RBMS3: variants seen among roughly 807,000 people sequenced by gnomAD.
RBMS3 encodes RNA binding motif single stranded interacting protein 3, also known as RNA-binding motif, single-stranded-interacting protein 3.
RBMS3 carries 27 observed loss-of-function variants against 66.8 expected under a neutral mutation model. The ratio of observed to expected loss-of-function variants is 0.40; its 90% CI spans 0.30 to 0.56. RBMS3 has a LOEUF of 0.56. Ranked by LOEUF, RBMS3 falls within the 20% of genes least tolerant of loss-of-function variation. The probability of loss-of-function intolerance (pLI) is 0.40; values close to 1 mark genes in which losing one functional copy is unlikely to be tolerated. For missense variants in RBMS3, 513 were observed against 549.5 expected (o/e 0.93, Z 0.66); for synonymous variants, 188 against 183.0 (o/e 1.03, Z -0.22).
intron 6 of RBMS3, among the ~76,000 whole-genome samples, chr3:29,788,469 C>T (rs764447096): frequency 6.6e-6 from 1 of 152,094 alleles, no homozygotes; most frequent in Non-Finnish European, 1.5e-5. Flanking sequence ...TTGTGATCTG[C>T]CTGCCTCAGC....
rs932385150 is a variant in RBMS3 at position 29,886,985 on chromosome 3, A to C, written c.791+2777A>C. Reference sequence around the variant, plus strand: ...AAGGGCTGGGGACATACTGGTGAATAAGACACACCCAGTCTTTACTCATCT... The same window carrying C: ...AAGGGCTGGGGACATACTGGTGAATCAGACACACCCAGTCTTTACTCATCT... On this transcript the variant is annotated intron_variant, in intron 8 of 14. Coordinates refer to ENST00000383767, the MANE Select transcript of RBMS3 (RefSeq NM_001003793.3). Among the ~76,000 whole-genome samples, 86 of 151,802 alleles carry C rather than the reference A, an allele frequency of 5.7e-4. 1 individual carries two copies. The highest frequency in any genetic ancestry group is 1.1e-3 in the Non-Finnish European group (72 of 67,854).
chr3:29,405,480 G>A (rs1184026314), intron 1 of RBMS3, among the ~76,000 whole-genome samples: 1 of 151,894 alleles, frequency 6.6e-6, no homozygotes, highest in African/African-American at 2.4e-5. Context: ...TTGTTTTTGT[G>A]GCAAATCAGG....
intron 1 of RBMS3, among the ~76,000 whole-genome samples, chr3:29,363,811 A>C (rs971848233): frequency 3.3e-5 from 5 of 150,054 alleles, no homozygotes; most frequent in East Asian, 2.0e-4. Context: ...AAAAAAAAAA[A>C]AAAACCTGTT....
intron 1 of RBMS3, among the ~76,000 whole-genome samples, chr3:29,339,022 C>A (rs1394512390): frequency 6.6e-6 from 1 of 152,142 alleles, no homozygotes; most frequent in African/African-American, 2.4e-5. Flanking sequence ...AGACCTCACT[C>A]AGAGGTCAGC....
chr3:29,859,808 AAATTGTGGTT>A (rs2059168747), intron 6 of RBMS3, among the ~76,000 whole-genome samples: 1 of 152,196 alleles, frequency 6.6e-6, no homozygotes, highest in African/African-American at 2.4e-5. Flanking sequence ...TTTGCCATGT[AAATTGTGGTT>A]GAAATTGAAA....
intron 1 of RBMS3, among the ~76,000 whole-genome samples, chr3:29,410,592 A>G (rs2040224221): frequency 6.6e-6 from 1 of 152,160 alleles, no homozygotes; most frequent in African/African-American, 2.4e-5. Context: ...TACTTGCTTT[A>G]TTGCCTCTAA....
chr3:29,855,341 C>T lies in RBMS3; in HGVS notation c.638-13517C>T, dbSNP rs571867437. Among the ~76,000 whole-genome samples the T allele has an allele frequency of 1.2e-4, 19 of 152,242 alleles. 1 individual carries two copies. The South Asian group carries it at 3.9e-3, about 32-fold the overall frequency. ...TTTGTGAAAACTACATCAAATATGA[C>T]TTTTTCCTATAAGGAAAGCTTTTAC... On this transcript the variant is annotated intron_variant, in intron 6 of 14. Transcript: ENST00000383767.
At chr3:29,978,643 T>TA (rs918654437) in intron 12 of RBMS3, among the ~76,000 whole-genome samples, 39 of 151,372 alleles carry the variant, frequency 2.6e-4, no homozygotes, top group South Asian at 8.4e-4. Context: ...AAGTGAAGGT[T>TA]AAAAAAAATG....
At chr3:29,472,713 C>G (rs569732258) in intron 2 of RBMS3, among the ~76,000 whole-genome samples, 1 of 150,724 alleles carries the variant, frequency 6.6e-6, no homozygotes, top group African/African-American at 2.4e-5. Flanking sequence ...GGTTCGTGGT[C>G]TCGCTGGCTT....
chr3:29,884,806 T>C (rs756303184), intron 8 of RBMS3, among the ~76,000 whole-genome samples: 1 of 151,948 alleles, frequency 6.6e-6, no homozygotes, highest in Non-Finnish European at 1.5e-5. Flanking sequence ...ATATCTTTCA[T>C]TGAAACTTTC....
At chr3:29,421,750 G>C (rs1026958116) in intron 1 of RBMS3, among the ~76,000 whole-genome samples, 2 of 152,122 alleles carry the variant, frequency 1.3e-5, no homozygotes, top group African/African-American at 4.8e-5. Flanking sequence ...TCAGTAGCTA[G>C]AATAATACCA....
intron 12 of RBMS3, among the ~76,000 whole-genome samples, chr3:29,974,698 CT>C (rs1327808132): frequency 1.3e-5 from 2 of 150,740 alleles, no homozygotes; most frequent in Non-Finnish European, 1.5e-5. Context: ...AGTGTAAAAC[CT>C]TTTATGTCTG....
intron 7 of RBMS3, among the ~76,000 whole-genome samples, chr3:29,876,848 G>A (rs1242064654): frequency 6.6e-6 from 1 of 152,020 alleles, no homozygotes; most frequent in Admixed American, 6.6e-5. Flanking sequence ...AAAAGATGTG[G>A]AGACCAACAG....
intron 4 of RBMS3, among the ~76,000 whole-genome samples, chr3:29,662,618 C>T (rs2050599658): frequency 6.6e-6 from 1 of 152,142 alleles, no homozygotes; most frequent in Admixed American, 6.5e-5. Flanking sequence ...ATGCTCACAC[C>T]CCAAAGTGCT....
At chr3:29,534,753 TCATCAGCC>T (rs2045489006) in intron 3 of RBMS3, among the ~76,000 whole-genome samples, 1 of 152,216 alleles carries the variant, frequency 6.6e-6, no homozygotes, top group Non-Finnish European at 1.5e-5. Context: ...CCCTGATCAT[TCATCAGCC>T]TTCAAGTTCA....
intron 4 of RBMS3, among the ~76,000 whole-genome samples, chr3:29,688,611 T>A (rs553829002): frequency 7.6e-6 from 1 of 132,196 alleles, no homozygotes; most frequent in African/African-American, 2.9e-5. Context: ...TGAGATGGAG[T>A]CTTGCTCTGT....
chr3:29,476,618 A>C (rs1465151718), intron 2 of RBMS3, among the ~76,000 whole-genome samples: 1 of 152,200 alleles, frequency 6.6e-6, no homozygotes, highest in Non-Finnish European at 1.5e-5. Flanking sequence ...TAACGTATTG[A>C]CAAAATAGCT....
rs1225187324 is a variant in RBMS3 at position 29,838,023 on chromosome 3, G to T, written c.638-30835G>T. On this transcript the variant is annotated intron_variant, in intron 6 of 14. Coordinates refer to ENST00000383767, the MANE Select transcript of RBMS3 (RefSeq NM_001003793.3). ...TCTGAATATTTAAATACTGAAATAGGCCACTTAAAAAAAAATAAGACTGGG... is the reference window on the plus strand; with the variant it reads ...TCTGAATATTTAAATACTGAAATAGTCCACTTAAAAAAAAATAAGACTGGG... Among the ~76,000 whole-genome samples the T allele has an allele frequency of 6.0e-5, 9 of 151,224 alleles. No homozygotes were observed. The East Asian group carries it at 1.8e-3, about 30-fold the overall frequency.
intron 4 of RBMS3, among the ~76,000 whole-genome samples, chr3:29,612,424 T>A (rs1387368271): frequency 1.3e-5 from 2 of 152,102 alleles, no homozygotes; most frequent in African/African-American, 4.8e-5. Context: ...AATATCAATT[T>A]TTCCCAATCC....
Sources: allele counts gnomAD v4.1 joint callset (sites outside exome capture counted in the v4.1 genomes callset), GRCh38; gene constraint gnomAD v4.1.1; transcripts MANE v1.5; gene names NCBI Gene and HGNC (gene_info 2026-07-23, HGNC 2026-07-21).